Variants in SLC35F4 observed in about 807,000 individuals in gnomAD.
SLC35F4 encodes chromosome 14 open reading frame 36.
Under a neutral mutation model 44.2 loss-of-function variants are expected in SLC35F4, and 24 were observed. That is an observed-to-expected ratio of 0.54 (90% CI 0.39 to 0.76). The LOEUF is 0.76. Among genes scored for constraint, SLC35F4 ranks in the 30% least tolerant of loss-of-function variants. The pLI is 0.00. For missense variants in SLC35F4, 562 were observed against 586.1 expected (o/e 0.96, Z 0.42); for synonymous variants, 238 against 223.6 (o/e 1.06, Z -0.57).
At chr14:57,750,339 G>A (rs1455998396) in intron 1 of SLC35F4, among the ~76,000 whole-genome samples, 1 of 152,110 alleles carries the variant, frequency 6.6e-6, no homozygotes, top group African/African-American at 2.4e-5. Flanking sequence ...TCCAAATAGT[G>A]CTGTGGTAAA....
chr14:57,875,322 G>C (rs1466287694), intron 1 of SLC35F4, among the ~76,000 whole-genome samples: 3 of 152,104 alleles, frequency 2.0e-5, no homozygotes, highest in Non-Finnish European at 4.4e-5. Flanking sequence ...ACTCTGCTCT[G>C]AAATTCACTA....
At chr14:57,709,234 C>A (rs1351393749) in intron 1 of SLC35F4, among the ~76,000 whole-genome samples, 1 of 152,096 alleles carries the variant, frequency 6.6e-6, no homozygotes, top group Non-Finnish European at 1.5e-5. Flanking sequence ...ACTGATGCTA[C>A]CGCTAGACCA....
chr14:57,910,997 A>G (rs1195517961), intron 1 of SLC35F4, among the ~76,000 whole-genome samples: 1 of 152,014 alleles, frequency 6.6e-6, no homozygotes, highest in Non-Finnish European at 1.5e-5. Context: ...TCTATTTACT[A>G]GACTTATACC....
intron 1 of SLC35F4, among the ~76,000 whole-genome samples, chr14:57,607,781 T>C (rs1485226397): frequency 2.0e-5 from 3 of 152,156 alleles, no homozygotes; most frequent in Non-Finnish European, 4.4e-5. Flanking sequence ...ACTGGATGTC[T>C]AGGGGACAGA....
intron 1 of SLC35F4, chr14:57,799,614 G>T (rs28805106): frequency 1.3e-5 from 2 of 152,754 alleles, no homozygotes; most frequent in Admixed American, 6.5e-5. Flanking sequence ...GGAGCTCCTG[G>T]GGGGAGGGGT....
rs552153530 is a variant in SLC35F4, at chr14:57,649,738, T to G, written c.104-55614A>C. Among the ~76,000 whole-genome samples, 28 of 152,288 alleles carry G rather than the reference T, an allele frequency of 1.8e-4. 1 individual carries two copies. Among genetic ancestry groups the G allele is most frequent in the African/African-American group, 6.0e-4 (25 of 41,580 alleles). ...GGCATGTGATGGGCACTAGGTAATG[T>G]TGGCGAAATGAATGAATATACCTTT... is the stretch of plus-strand genomic sequence containing the variant. On this transcript the variant is annotated intron_variant, in intron 1 of 7. Coordinates refer to ENST00000556826, the MANE Select transcript of SLC35F4 (RefSeq NM_001306087.2).
intron 1 of SLC35F4, among the ~76,000 whole-genome samples, chr14:57,670,719 T>C (rs1215428066): frequency 2.0e-5 from 3 of 151,970 alleles, no homozygotes; most frequent in Non-Finnish European, 4.4e-5. Flanking sequence ...TTCTGTTCTT[T>C]TAACATTTTA....
intron 1 of SLC35F4, among the ~76,000 whole-genome samples, chr14:57,941,723 T>A (rs980593329): frequency 2.6e-5 from 4 of 152,138 alleles, no homozygotes; most frequent in African/African-American, 9.7e-5. Flanking sequence ...AAAAAAAGCT[T>A]ATGACCATTA....
chr14:57,697,641 C>T (rs7156533), intron 1 of SLC35F4, among the ~76,000 whole-genome samples: 35,525 of 151,020 alleles, frequency 0.24, 4,138 homozygotes, highest in South Asian at 0.31. Flanking sequence ...GCAGAGGTTG[C>T]AGTGAACTGT....
chr14:57,743,474 G>T (rs1449897046), intron 1 of SLC35F4, among the ~76,000 whole-genome samples: 5 of 152,146 alleles, frequency 3.3e-5, no homozygotes, highest in Non-Finnish European at 7.4e-5. Context: ...AAAAAATCTA[G>T]AAGAAATGGA....
upstream of SLC35F4, among the ~76,000 whole-genome samples, chr14:57,868,237 C>T (rs2141025433): frequency 6.6e-6 from 1 of 152,264 alleles, no homozygotes; most frequent in East Asian, 1.9e-4. Context: ...ACTTACAAAT[C>T]TCTCTATAAT....
chr14:57,705,541 G>A (rs990163520), intron 1 of SLC35F4, among the ~76,000 whole-genome samples: 1 of 152,120 alleles, frequency 6.6e-6, no homozygotes, highest in African/African-American at 2.4e-5. Flanking sequence ...TAGACAAATG[G>A]AGGCACCAGC....
intron 1 of SLC35F4, among the ~76,000 whole-genome samples, chr14:57,960,440 T>C (rs1890317717): frequency 6.6e-6 from 1 of 152,332 alleles, no homozygotes. Flanking sequence ...ACCCCAAGCA[T>C]TTCTTAATTT....
At chr14:57,937,590 GAAAAGAAAAGAAAA>G (rs1566505570) in intron 1 of SLC35F4, among the ~76,000 whole-genome samples, 67 of 14,330 alleles carry the variant, frequency 4.7e-3, no homozygotes, top group Non-Finnish European at 6.8e-3. Flanking sequence ...AGAAAAGAAA[GAAAAGAAAAGAAAA>G]GAAAAGAAAA....
At chr14:57,907,486 G>C (rs1251496320) in intron 1 of SLC35F4, among the ~76,000 whole-genome samples, 1 of 152,120 alleles carries the variant, frequency 6.6e-6, no homozygotes, top group East Asian at 1.9e-4. Flanking sequence ...TTAGCAAATA[G>C]TGACTAAGGA....
At chr14:57,881,079 C>G (rs538267870) in intron 1 of SLC35F4, among the ~76,000 whole-genome samples, 1 of 152,142 alleles carries the variant, frequency 6.6e-6, no homozygotes, top group Non-Finnish European at 1.5e-5. Context: ...ACACTGGGAA[C>G]AAATGCCCTC....
At chr14:57,570,261 G>A (rs2068431177) in intron 5 of SLC35F4, among the ~76,000 whole-genome samples, 1 of 152,156 alleles carries the variant, frequency 6.6e-6, no homozygotes, top group Admixed American at 6.5e-5. Flanking sequence ...GATGGGTATT[G>A]GGTGAATGAT....
rs1172857615 is a variant in SLC35F4, at chr14:57,962,942, CAG to C, written n.282+18969_282+18970del. Reference sequence around the variant, plus strand: ...GTTGGGGGAACAGAAATGAACAAAGCAGAGTCTTTTTCTCCACTAAATAGGGG... The same window carrying C: ...GTTGGGGGAACAGAAATGAACAAAGCAGTCTTTTTCTCCACTAAATAGGGG... On this transcript the variant is annotated intron_variant and non_coding_transcript_variant, in intron 1 of 1. Coordinates refer to the SLC35F4 transcript ENST00000556568. Among the ~76,000 whole-genome samples, 22 of 152,074 alleles carry C rather than the reference CAG, an allele frequency of 1.4e-4. No individual in the cohort carries two copies. The East Asian group carries it at 3.9e-3, about 27-fold the overall frequency.
At chr14:57,572,125 T>A in intron 4 of SLC35F4, 106 bp from the exon 5 acceptor site, 3 of 1,316,838 alleles carry the variant, frequency 2.3e-6, no homozygotes, top group Non-Finnish European at 3.1e-6. Context: ...TTAAACCTAA[T>A]TACCTTTTGT....
Sources: gnomAD v4.1 joint callset for allele counts (sites outside exome capture counted in the v4.1 genomes callset) on GRCh38, gnomAD v4.1.1 for gene constraint, MANE v1.5 for transcripts, NCBI Gene and HGNC (gene_info 2026-07-23, HGNC 2026-07-21) for gene names.